The following HHAT variants were observed in gnomAD, a reference collection of about 807,000 sequenced individuals.
HHAT encodes hedgehog acyltransferase.
Under a neutral mutation model 70.8 loss-of-function variants are expected in HHAT, and 47 were observed. That is an observed-to-expected ratio of 0.66 (90% confidence interval 0.53 to 0.85). HHAT has a LOEUF of 0.85. Among genes scored for constraint, HHAT ranks in the 40% least tolerant of loss-of-function variants. HHAT has a pLI of 0.00. For missense variants in HHAT, 609 were observed against 604.8 expected (o/e 1.01, Z -0.07); for synonymous variants, 228 against 247.6 (o/e 0.92, Z 0.74).
intron 6 of HHAT, among the ~76,000 whole-genome samples, chr1:210,413,481 C>T (rs1012390073): frequency 1.3e-5 from 2 of 152,202 alleles, no homozygotes; most frequent in African/African-American, 2.4e-5. Flanking sequence ...TTTTGATTAA[C>T]AATTTTGTCT....
chr1:210,456,359 G>A (rs1264773013), intron 7 of HHAT, among the ~76,000 whole-genome samples: 1 of 152,016 alleles, frequency 6.6e-6, no homozygotes, highest in Non-Finnish European at 1.5e-5. Context: ...TGAATACTCA[G>A]TCTTTGCATT....
intron 7 of HHAT, among the ~76,000 whole-genome samples, chr1:210,443,386 T>A (rs1031647550): frequency 6.7e-6 from 1 of 149,802 alleles, no homozygotes; most frequent in African/African-American, 2.5e-5. Context: ...GTGAGGAAAG[T>A]CATTGGTAGC....
At chr1:210,365,313 T>TTTTG (rs1553326908) in intron 3 of HHAT, among the ~76,000 whole-genome samples, 13 of 115,568 alleles carry the variant, frequency 1.1e-4, no homozygotes, top group Admixed American at 8.1e-4. Flanking sequence ...CTGACAGTTT[T>TTTTG]TTTTTTTTTT....
chr1:210,598,736 C>T, intron 10 of HHAT, among the ~76,000 whole-genome samples: 2 of 152,342 alleles, frequency 1.3e-5, no homozygotes, highest in African/African-American at 4.8e-5. Context: ...GACTGTCTTT[C>T]CTACCCTCTA....
At position 210,387,587 on chromosome 1, in the gene HHAT, AT is replaced by A; in HGVS notation, c.273+8del. The A allele has an allele frequency of 6.2e-7, 1 of 1,602,134 alleles. No individual in the cohort carries two copies. The highest frequency in any genetic ancestry group is 8.6e-7 in the Non-Finnish European group (1 of 1,169,132). On this transcript the variant is annotated splice_region_variant and intron_variant, in intron 4 of 11. Coordinates refer to ENST00000261458, the MANE Select transcript of HHAT (RefSeq NM_018194.6). ...CCACACTGCTGGCAAGAAAGGTATG[AT>A]TATATGTGTTGTTACCTTTTAAGTG... is the stretch of plus-strand genomic sequence containing the variant.
At chr1:210,541,120 T>C (rs12126012) in intron 9 of HHAT, among the ~76,000 whole-genome samples, 39,254 of 152,100 alleles carry the variant, frequency 0.26, 5,326 homozygotes, top group Middle Eastern at 0.34. Flanking sequence ...GGATTACAGG[T>C]GTGAGCCACT....
upstream of HHAT, among the ~76,000 whole-genome samples, chr1:210,327,574 G>A (rs1295277337): frequency 6.6e-6 from 1 of 152,086 alleles, no homozygotes; most frequent in Admixed American, 6.5e-5. Context: ...GGTGCGATCT[G>A]AGCTCACTGC....
At chr1:210,484,680 T>C (rs1572759212) in intron 8 of HHAT, among the ~76,000 whole-genome samples, 1 of 152,328 alleles carries the variant, frequency 6.6e-6, no homozygotes, top group Non-Finnish European at 1.5e-5. Context: ...CCAGTGGCAC[T>C]AGGCATTCTT....
chr1:210,510,022 C>G (rs2094927650), intron 8 of HHAT, among the ~76,000 whole-genome samples: 1 of 152,148 alleles, frequency 6.6e-6, no homozygotes, highest in Admixed American at 6.5e-5. Flanking sequence ...GGAAATCTTT[C>G]AGGGCTGTAA....
At chr1:210,385,647 C>T (rs377313725) in intron 3 of HHAT, among the ~76,000 whole-genome samples, 9 of 152,224 alleles carry the variant, frequency 5.9e-5, no homozygotes, top group African/African-American at 2.2e-4. Context: ...CATGTGTAAT[C>T]TGAGAATGCG....
Position 210,418,176 on chromosome 1 carries a change from C to A in HHAT, c.707C>A (p.Ser236Tyr). Reference sequence around the variant, plus strand: ...TAGATGCAGCAGCAGGAGCATGACTCCCTGAAGGCCAGCCTGTGTGTCCTG... The same window carrying A: ...TAGATGCAGCAGCAGGAGCATGACTACCTGAAGGCCAGCCTGTGTGTCCTG... ...IKQMQQQEHD[S>Y]LKASLCVLAL... The change falls in exon 7 of 12, where the codon TCC (serine) becomes TAC (tyrosine). Residue 236 changes from serine (S) to tyrosine (Y), a missense_variant. Transcript: ENST00000261458. 1.2e-6 allele frequency: 2 copies of A among 1,614,174 alleles called. No homozygotes were observed. The highest frequency in any genetic ancestry group is 1.7e-6 in the Non-Finnish European group (2 of 1,180,008).
intron 2 of HHAT, among the ~76,000 whole-genome samples, chr1:210,360,846 C>CTTTTTTTT (rs3036585): frequency 2.4e-5 from 3 of 124,302 alleles, no homozygotes; most frequent in African/African-American, 9.8e-5. Flanking sequence ...ATTAACTTCA[C>CTTTTTTTT]TTTTTTTTTT....
At chr1:210,583,001 G>A (rs999438823) in intron 9 of HHAT, among the ~76,000 whole-genome samples, 13 of 152,154 alleles carry the variant, frequency 8.5e-5, no homozygotes, top group Non-Finnish European at 1.6e-4. Context: ...TTGGTTAAAC[G>A]AGAAATATAT....
At chr1:210,633,256 G>A (rs1047552110) in intron 11 of HHAT, among the ~76,000 whole-genome samples, 2 of 152,186 alleles carry the variant, frequency 1.3e-5, no homozygotes, top group African/African-American at 4.8e-5. Context: ...GGCCAGAAAC[G>A]CCCACTTCAA....
intron 10 of HHAT, among the ~76,000 whole-genome samples, chr1:210,606,743 C>G (rs911162047): frequency 6.6e-6 from 1 of 152,034 alleles, no homozygotes; most frequent in Non-Finnish European, 1.5e-5. Context: ...TTTTTGAGAT[C>G]TTGTATTTTC....
At chr1:210,479,157 T>G (rs571057945) in intron 8 of HHAT, among the ~76,000 whole-genome samples, 124 of 152,320 alleles carry the variant, frequency 8.1e-4, no homozygotes, top group Non-Finnish European at 1.5e-3. Context: ...ACTTCATATT[T>G]GATTCTTGGA....
intron 10 of HHAT, among the ~76,000 whole-genome samples, chr1:210,601,214 AG>A (rs1664189767): frequency 6.6e-6 from 1 of 152,236 alleles, no homozygotes. Flanking sequence ...CCAATTTAAA[AG>A]TATTGTTGAT....
At chr1:210,334,650 T>C (rs2085315851) in intron 1 of HHAT, among the ~76,000 whole-genome samples, 1 of 152,134 alleles carries the variant, frequency 6.6e-6, no homozygotes, top group African/African-American at 2.4e-5. Context: ...ATGTATGTCA[T>C]ATAGTGTATA....
intron 1 of HHAT, among the ~76,000 whole-genome samples, chr1:210,346,073 A>G (rs1041301534): frequency 2.8e-5 from 2 of 70,412 alleles, no homozygotes; most frequent in East Asian, 4.9e-4. Flanking sequence ...CCAGGAAGAA[A>G]AAAAAAAAAA....
Sources: allele counts gnomAD v4.1 joint callset (sites outside exome capture counted in the v4.1 genomes callset), GRCh38; gene constraint gnomAD v4.1.1; transcripts MANE v1.5; gene names NCBI Gene and HGNC (gene_info 2026-07-23, HGNC 2026-07-21).